DMBX1: variants seen among roughly 807,000 people sequenced by gnomAD.
DMBX1 encodes diencephalon/mesencephalon homeobox protein 1.
A neutral mutation model predicts 30.4 loss-of-function variants in DMBX1; 7 were observed. That is an observed-to-expected ratio of 0.23 (90% CI 0.13 to 0.43). The LOEUF is 0.43. Ranked by LOEUF, DMBX1 falls within the 20% of genes least tolerant of loss-of-function variation. The probability of loss-of-function intolerance (pLI) is 1.00; values close to 1 mark genes in which losing one functional copy is unlikely to be tolerated. For missense variants in DMBX1, 460 were observed against 508.5 expected (o/e 0.90, Z 0.92); for synonymous variants, 222 against 214.2 (o/e 1.04, Z -0.32).
chr1:46,500,524 C>T (rs111415610), intron 2 of DMBX1, among the ~76,000 whole-genome samples: 16 of 151,850 alleles, frequency 1.1e-4, no homozygotes, highest in Admixed American at 5.2e-4. Context: ...CAGCGAAAGA[C>T]GTGGATACCT....
Position 46,512,426 on chromosome 1 carries a change from A to G in DMBX1, c.1066A>G (p.Ile356Val). The change falls in exon 6 of 6, where the codon ATC becomes GTC. Residue 356 changes from isoleucine to valine, a missense_variant. By Grantham distance (29) the Ile-to-Val change is conservative. Coordinates refer to ENST00000360032, the MANE Select transcript of DMBX1 (RefSeq NM_172225.2). The surrounding 1 kb of genome is among the most constrained non-coding windows in gnomAD (Gnocchi z 4.8). ...SATLNSKTTS[I>V]ENLRLRAKQH... ...TACCCTGAACAGTAAAACCACAAGC[A>G]TCGAGAACCTGCGGCTCCGGGCCAA... The G allele has an allele frequency of 6.2e-7, 1 of 1,613,860 alleles. No homozygotes were observed. The highest frequency in any genetic ancestry group is 1.1e-5 in the South Asian group (1 of 91,082).
intron 2 of DMBX1, among the ~76,000 whole-genome samples, chr1:46,500,148 G>C (rs751264675): frequency 1.3e-5 from 2 of 152,038 alleles, no homozygotes; most frequent in African/African-American, 4.8e-5. Flanking sequence ...AGGAGTGGTA[G>C]GTAGTCTGGT....
At chr1:46,495,864 C>A (rs902803118) in intron 2 of DMBX1, among the ~76,000 whole-genome samples, 1 of 152,122 alleles carries the variant, frequency 6.6e-6, no homozygotes, top group African/African-American at 2.4e-5. Flanking sequence ...CACATAGTAG[C>A]TTTGGAGAGC....
At chr1:46,507,188 A>T in intron 3 of DMBX1, 24 bp downstream of exon 3, 1 of 1,613,418 alleles carries the variant, frequency 6.2e-7, no homozygotes, top group Non-Finnish European at 8.5e-7. Flanking sequence ...GGATGGGACC[A>T]TGGGGACAGG....
chr1:46,508,583 A>G (rs1319891243), intron 3 of DMBX1, among the ~76,000 whole-genome samples: 1 of 152,168 alleles, frequency 6.6e-6, no homozygotes, highest in East Asian at 1.9e-4. Context: ...AGCTCCTGAC[A>G]GTATTCCAGG....
In DMBX1 at chr1:46,512,222, C is replaced by A; in HGVS notation, c.862C>A (p.Pro288Thr). The A allele has an allele frequency of 6.2e-7, 1 of 1,614,006 alleles. No individual in the cohort carries two copies. The highest frequency in any genetic ancestry group is 1.7e-5 in the Admixed American group (1 of 60,004). Residue 288 changes from proline (P) to threonine (T), a missense_variant, in exon 6 of 6, where the codon CCT becomes ACT. Around this residue, in one of 3 missense-constraint regions of DMBX1, gnomAD observed 334 missense variants for 345.1 expected, o/e 0.97. Transcript: ENST00000360032. This position sits in a 1 kb window ranked among gnomAD's most constrained non-coding sequence, Gnocchi z 4.8. ...YSSFEVGGPA[P>T]AAAAAAAAVP... ...GTCCTTCGAAGTAGGGGGTCCGGCC[C>A]CTGCTGCTGCAGCGGCGGCTGCTGC...
intron 3 of DMBX1, among the ~76,000 whole-genome samples, chr1:46,508,076 G>A (rs1463515248): frequency 6.6e-6 from 1 of 151,988 alleles, no homozygotes; most frequent in East Asian, 1.9e-4. Context: ...TGGCATGGAT[G>A]GGGAGTTTGA....
rs201908017 is a variant in DMBX1, at chr1:46,512,264, G to A, written c.904G>A (p.Val302Ile). Reference protein sequence around the residue: ...AAAAAVPYLGVNMAPLGSLHC... With the variant: ...AAAAAVPYLGINMAPLGSLHC... ...GGCTGCTGCTGTGCCCTACCTGGGC[G>A]TCAACATGGCCCCGCTGGGCTCACT... The change falls in exon 6 of 6, where the codon GTC (valine) becomes ATC (isoleucine). Residue 302 changes from valine (V) to isoleucine (I), a missense_variant. By Grantham distance (29) the Val-to-Ile change is conservative (BLOSUM62 3). This residue lies in a region of DMBX1 where 334 missense variants were observed against 345.1 expected (regional missense o/e 0.97). Transcript: ENST00000360032. The surrounding 1 kb of genome is among the most constrained non-coding windows in gnomAD (Gnocchi z 4.8). The A allele has an allele frequency of 2.9e-5, 46 of 1,613,548 alleles. No individual in the cohort carries two copies. The highest frequency in any genetic ancestry group is 2.3e-4 in the African/African-American group (17 of 75,010).
In DMBX1 at chr1:46,494,451, G is replaced by T. The variant is rs569232997; in HGVS notation, c.-13+3668G>T. ...TGCGGGGGGCTAATTACCCCAATTA[G>T]TGGCTGATTTATAATTAATGGCTCG... On this transcript the variant is annotated intron_variant, in intron 2 of 5. Transcript: ENST00000360032. 3.0e-3 allele frequency among the ~76,000 whole-genome samples: 463 copies of T among 152,344 alleles called. 5 individuals carry two copies. Among genetic ancestry groups the T allele is most frequent in the African/African-American group, 9.9e-3 (411 of 41,570 alleles).
intron 3 of DMBX1, among the ~76,000 whole-genome samples, chr1:46,508,468 T>C (rs571768890): frequency 1.3e-5 from 2 of 152,322 alleles, no homozygotes; most frequent in South Asian, 4.1e-4. Context: ...GCCAGGCCTC[T>C]GGGCAGAACT....
intron 2 of DMBX1, among the ~76,000 whole-genome samples, chr1:46,506,762 A>G (rs953129857): frequency 6.6e-6 from 1 of 152,234 alleles, no homozygotes; most frequent in Non-Finnish European, 1.5e-5. Flanking sequence ...TCTAGAGCCC[A>G]GAGCCCTAAA....
Position 46,512,352 on chromosome 1 carries a change from G to A in DMBX1, c.992G>A (p.Gly331Glu). 1 of 1,614,010 alleles carries A rather than the reference G, an allele frequency of 6.2e-7. No individual in the cohort carries two copies. Among genetic ancestry groups the A allele is most frequent in the Non-Finnish European group, 8.5e-7 (1 of 1,179,988 alleles). Residue 331 changes from glycine (G) to glutamate (E), a missense_variant, in exon 6 of 6, where the codon GGG becomes GAG. Physicochemically the swap from Gly to Glu is moderately conservative, Grantham distance 98. This residue lies in a region of DMBX1 where 334 missense variants were observed against 345.1 expected (regional missense o/e 0.97). Transcript: ENST00000360032. The surrounding 1 kb of genome is among the most constrained non-coding windows in gnomAD (Gnocchi z 4.8). ...AAAAAHQGVW[G>E]SPLLPAPPAG... ...GCTGCTGCCCACCAGGGTGTGTGGG[G>A]GTCTCCTCTGCTGCCTGCACCCCCA... is the stretch of plus-strand genomic sequence containing the variant.
chr1:46,512,447 G>A lies in DMBX1; in HGVS notation c.1087G>A (p.Ala363Thr). ...TTSIENLRLR[A>T]KQHAASLGLD... ...AAGCATCGAGAACCTGCGGCTCCGG[G>A]CCAAGCAGCACGCGGCCTCCCTGGG... Residue 363 changes from alanine (A) to threonine (T), a missense_variant, in exon 6 of 6, where the codon GCC (alanine) becomes ACC (threonine). Around this residue, in one of 3 missense-constraint regions of DMBX1, gnomAD observed 334 missense variants for 345.1 expected, o/e 0.97. Coordinates refer to ENST00000360032, the MANE Select transcript of DMBX1 (RefSeq NM_172225.2). The surrounding 1 kb of genome is among the most constrained non-coding windows in gnomAD (Gnocchi z 4.8). 6.2e-7 allele frequency: 1 copy of A among 1,613,706 alleles called. No homozygotes were observed. The highest frequency in any genetic ancestry group is 8.5e-7 in the Non-Finnish European group (1 of 1,179,886).
Position 46,493,754 on chromosome 1 carries a change from G to T in DMBX1, c.-13+2971G>T, listed in dbSNP as rs139488177. Among the ~76,000 whole-genome samples, 93 of 152,356 alleles carry T rather than the reference G, an allele frequency of 6.1e-4. 1 individual carries two copies. The highest frequency in any genetic ancestry group is 1.9e-3 in the African/African-American group (77 of 41,598). ...CTATCTCCAGGGTTGCTTGTGCCCCGGATGAGTTGTACATCTGTCAGTGTG... is the reference window on the plus strand; with the variant it reads ...CTATCTCCAGGGTTGCTTGTGCCCCTGATGAGTTGTACATCTGTCAGTGTG... On this transcript the variant is annotated intron_variant, in intron 2 of 5. Transcript: ENST00000360032. The surrounding 1 kb of genome is among the most constrained non-coding windows in gnomAD (Gnocchi z 4.1).
chr1:46,515,152 G>T lies in DMBX1; in HGVS notation c.*2658G>T, dbSNP rs763654241. 6.6e-6 allele frequency among the ~76,000 whole-genome samples: 1 copy of T among 152,208 alleles called. No individual in the cohort carries two copies. The highest frequency in any genetic ancestry group is 1.5e-5 in the Non-Finnish European group (1 of 68,034). On this transcript the variant is annotated 3_prime_UTR_variant, in exon 6 of 6. Transcript: ENST00000360032. ...GAGAGACTTAGGCAGCGCTGTGGGA[G>T]GTTGGCAGATTCCAGGAGTGACAGA... is the stretch of plus-strand genomic sequence containing the variant.
chr1:46,491,588 G>A lies in DMBX1; in HGVS notation c.-13+805G>A, dbSNP rs753209. ...CTCCACAGCCGAGGAAATTGTGCAA[G>A]TTCCTACCTGGCTGTGGCGATGGCA... On this transcript the variant is annotated intron_variant, in intron 2 of 5. Coordinates refer to ENST00000360032, the MANE Select transcript of DMBX1 (RefSeq NM_172225.2). The surrounding 1 kb of genome is among the most constrained non-coding windows in gnomAD (Gnocchi z 5.5). Among the ~76,000 whole-genome samples, 13,612 of 152,226 alleles carry A rather than the reference G, an allele frequency of 0.089. 1,125 individuals are homozygous for A. Among genetic ancestry groups the A allele is most frequent in the African/African-American group, 0.22 (9,213 of 41,486 alleles).
intron 2 of DMBX1, among the ~76,000 whole-genome samples, chr1:46,495,879 G>A (rs1333514219): frequency 1.3e-5 from 2 of 152,192 alleles, no homozygotes; most frequent in Non-Finnish European, 2.9e-5. Flanking sequence ...GAGAGCCATG[G>A]CTCAGTGGTG....
chr1:46,495,130 T>C (rs1202679521), intron 2 of DMBX1, among the ~76,000 whole-genome samples: 1 of 152,204 alleles, frequency 6.6e-6, no homozygotes, highest in African/African-American at 2.4e-5. Flanking sequence ...CCCACTCTCA[T>C]CTCCCAGAGC....
rs561212808 is a variant in DMBX1 at position 46,509,359 on chromosome 1, C to T, written c.155-1117C>T. 9.9e-5 allele frequency among the ~76,000 whole-genome samples: 15 copies of T among 152,272 alleles called. No homozygotes were observed. In the East Asian group the frequency reaches 1.7e-3, roughly 18 times the overall value. On this transcript the variant is annotated intron_variant, in intron 3 of 5. Coordinates refer to ENST00000360032, the MANE Select transcript of DMBX1 (RefSeq NM_172225.2). ...GGATTACAGGCGTGAGCCACTGTGC[C>T]GGGCCTCCTCTTCCTATTTAGGGTG... is the stretch of plus-strand genomic sequence containing the variant.
Sources: allele counts gnomAD v4.1 joint callset (sites outside exome capture counted in the v4.1 genomes callset), GRCh38; gene constraint gnomAD v4.1.1; regional missense constraint gnomAD v4.1.1; non-coding constraint Gnocchi (gnomAD v3.1); transcripts MANE v1.5; gene names NCBI Gene and HGNC (gene_info 2026-07-23, HGNC 2026-07-21).